The following ULK4 variants were observed in gnomAD, a reference collection of about 807,000 sequenced individuals.
ULK4 encodes unc-51 like kinase 4.
A neutral mutation model predicts 160.6 loss-of-function variants in ULK4; 133 were observed. The observed-to-expected ratio is 0.83, with a 90% confidence interval of 0.72 to 0.96. ULK4 has a LOEUF of 0.96. Among genes scored for constraint, ULK4 ranks in the 40% least tolerant of loss-of-function variants. The pLI is 0.00. For synonymous variants in ULK4, 534 were observed against 539.8 expected (o/e 0.99, Z 0.15); for missense variants, 1,580 against 1,499.5 (o/e 1.05, Z -0.89).
chr3:41,706,846 A>AT (rs1473434090), intron 25 of ULK4, among the ~76,000 whole-genome samples: 7 of 129,534 alleles, frequency 5.4e-5, no homozygotes, highest in Admixed American at 4.7e-4. Context: ...AAAAAAAAAA[A>AT]ATATGTGTGT....
chr3:41,788,735 T>C (rs185023731), intron 21 of ULK4, among the ~76,000 whole-genome samples: 112 of 151,856 alleles, frequency 7.4e-4, no homozygotes, highest in Admixed American at 2.0e-3. Flanking sequence ...GTTGAAATAA[T>C]GCTGCATACT....
chr3:41,503,744 CTGA>C (rs1343938824), intron 32 of ULK4, among the ~76,000 whole-genome samples: 7 of 152,056 alleles, frequency 4.6e-5, no homozygotes, highest in African/African-American at 1.7e-4. Flanking sequence ...AACAAGAAAT[CTGA>C]TGATTAACAC....
In ULK4 at chr3:41,454,900, A is replaced by G. The variant is rs147397581; in HGVS notation, c.3492+597T>C. ...TTTAGTAGAGACGGGGTTTCACCAT[A>G]CTGGTCAGGCTGGTCTCGAACACCT... On this transcript the variant is annotated intron_variant, in intron 34 of 36. Transcript: ENST00000301831. Among the ~76,000 whole-genome samples, 913 of 151,864 alleles carry G rather than the reference A, an allele frequency of 6.0e-3. 9 individuals are homozygous for G. The highest frequency in any genetic ancestry group is 0.021 in the African/African-American group (875 of 41,432).
chr3:41,446,436 C>A, intron 34 of ULK4, among the ~76,000 whole-genome samples: 1 of 151,968 alleles, frequency 6.6e-6, no homozygotes, highest in Non-Finnish European at 1.5e-5. Context: ...CATATGTTTA[C>A]TGAGGCACTA....
intron 32 of ULK4, among the ~76,000 whole-genome samples, chr3:41,503,231 A>G (rs1250073306): frequency 1.3e-5 from 2 of 152,236 alleles, no homozygotes; most frequent in Non-Finnish European, 2.9e-5. Context: ...CTTCTAGAAG[A>G]AAGTAAGGCT....
At chr3:41,758,614 A>C (rs1241838854) in intron 21 of ULK4, among the ~76,000 whole-genome samples, 3 of 152,172 alleles carry the variant, frequency 2.0e-5, no homozygotes, top group Non-Finnish European at 2.9e-5. Context: ...GGCCGGGCAC[A>C]GTGGCTCATG....
chr3:41,247,275 C>A (rs752344398), intron 36 of ULK4, among the ~76,000 whole-genome samples: 4 of 152,174 alleles, frequency 2.6e-5, no homozygotes, highest in Non-Finnish European at 5.9e-5. Context: ...GGCAGCCAGA[C>A]TCTACCAGGC....
chr3:41,453,032 G>T (rs1053252302), intron 34 of ULK4, among the ~76,000 whole-genome samples: 1 of 152,156 alleles, frequency 6.6e-6, no homozygotes, highest in African/African-American at 2.4e-5. Flanking sequence ...TCCTTTGTAA[G>T]CTTTGGGGTA....
intron 32 of ULK4, among the ~76,000 whole-genome samples, chr3:41,554,887 C>G (rs933465839): frequency 6.6e-6 from 1 of 151,940 alleles, no homozygotes; most frequent in African/African-American, 2.4e-5. Flanking sequence ...CCCTTTTCAC[C>G]ATAAAAATAC....
At chr3:41,253,754 T>C (rs1007110867) in intron 35 of ULK4, among the ~76,000 whole-genome samples, 1 of 152,198 alleles carries the variant, frequency 6.6e-6, no homozygotes, top group Admixed American at 6.5e-5. Flanking sequence ...CAACCATCTA[T>C]TGTGTGTAAG....
chr3:41,566,395 C>T (rs943918287), intron 31 of ULK4, among the ~76,000 whole-genome samples: 5 of 152,156 alleles, frequency 3.3e-5, no homozygotes, highest in South Asian at 4.1e-4. Context: ...ACACATGGTC[C>T]TCCATGCTTT....
intron 30 of ULK4, among the ~76,000 whole-genome samples, chr3:41,627,052 G>A (rs1418263898): frequency 6.6e-6 from 1 of 152,160 alleles, no homozygotes; most frequent in Admixed American, 6.5e-5. Context: ...AAAGAAGTGG[G>A]TTGAGCTAAA....
intron 35 of ULK4, among the ~76,000 whole-genome samples, chr3:41,335,073 G>A (rs2080527018): frequency 6.6e-6 from 1 of 152,154 alleles, no homozygotes; most frequent in African/African-American, 2.4e-5. Context: ...ACAAAACTTT[G>A]ACCATTCTAC....
intron 17 of ULK4, among the ~76,000 whole-genome samples, chr3:41,843,671 G>A (rs538741718): frequency 2.6e-5 from 4 of 152,270 alleles, no homozygotes; most frequent in African/African-American, 9.6e-5. Flanking sequence ...AAGGCAGTGT[G>A]GACCCAAAGA....
At chr3:41,597,983 A>C (rs1218007888) in intron 31 of ULK4, among the ~76,000 whole-genome samples, 2 of 152,184 alleles carry the variant, frequency 1.3e-5, no homozygotes, top group Non-Finnish European at 1.5e-5. Context: ...TTTCTGAAAA[A>C]ACTCATTTCT....
intron 18 of ULK4, among the ~76,000 whole-genome samples, chr3:41,828,482 A>C (rs2041452349): frequency 1.4e-5 from 2 of 138,630 alleles, no homozygotes; most frequent in South Asian, 4.4e-4. Flanking sequence ...TACAAAAATC[A>C]CAAGCATTCT....
rs372038837 is a variant in ULK4, at chr3:41,398,217, C to T, written c.3540G>A (p.Leu1180=). The change falls in exon 35 of 37, where the codon CTG becomes CTA. Residue 1180 remains leucine (L), a synonymous_variant. Coordinates refer to ENST00000301831, the MANE Select transcript of ULK4 (RefSeq NM_017886.4). ...PEIFDVSSKC[L]SILVQLYGGE... is the part of the protein sequence containing the mutation. ...CTCCATACAGCTGAACCAGTATAGA[C>T]AGGCACTTGGATGAAACATCAAAAA... 49 of 1,612,566 alleles carry T rather than the reference C, an allele frequency of 3.0e-5. No individual in the cohort carries two copies. The African/African-American group carries it at 6.2e-4, about 20-fold the overall frequency.
Position 41,663,692 on chromosome 3 carries a change from G to C in ULK4, c.2986C>G (p.His996Asp), listed in dbSNP as rs760932866. ...IRDVLLPQYE[H>D]ILLEPDPVPA... is the part of the protein sequence containing the mutation. Reference sequence around the variant, plus strand: ...ACTGGGTCAGGTTCTAAAAGAATGTGCTCATACCTGAAATGGTAAAGACAT... The same window carrying C: ...ACTGGGTCAGGTTCTAAAAGAATGTCCTCATACCTGAAATGGTAAAGACAT... Residue 996 changes from histidine (H) to aspartate (D), a missense_variant, in exon 30 of 37, where the codon CAC becomes GAC. By Grantham distance (81) the His-to-Asp change is moderately conservative (BLOSUM62 -1). Coordinates refer to ENST00000301831, the MANE Select transcript of ULK4 (RefSeq NM_017886.4). 1.6e-5 allele frequency: 26 copies of C among 1,613,536 alleles called. No homozygotes were observed. Among genetic ancestry groups the C allele is most frequent in the Non-Finnish European group, 2.2e-5 (26 of 1,179,580 alleles).
chr3:41,470,034 AAAAAAAAAAAAAC>A (rs1360497683), intron 32 of ULK4, among the ~76,000 whole-genome samples: 2 of 148,106 alleles, frequency 1.4e-5, no homozygotes, highest in African/African-American at 5.0e-5. Context: ...AAAAAAAAAA[AAAAAAAAAAAAAC>A]AAAGTATTTT....
Sources: allele counts gnomAD v4.1 joint callset (sites outside exome capture counted in the v4.1 genomes callset), GRCh38; gene constraint gnomAD v4.1.1; transcripts MANE v1.5; gene names NCBI Gene and HGNC (gene_info 2026-07-23, HGNC 2026-07-21).